The following PCDHA12 variants were observed in gnomAD, a reference collection of about 807,000 sequenced individuals.
The protein encoded by PCDHA12 is protocadherin alpha-12.
Under a neutral mutation model 60.0 loss-of-function variants are expected in PCDHA12, and 44 were observed. The ratio of observed to expected loss-of-function variants is 0.73; its 90% CI spans 0.58 to 0.94. The LOEUF is 0.94. Ranked by LOEUF, PCDHA12 falls within the 40% of genes least tolerant of loss-of-function variation. PCDHA12 has a pLI of 0.00. For synonymous variants in PCDHA12, 569 were observed against 553.0 expected (o/e 1.03, Z -0.40); for missense variants, 1,276 against 1,239.7 (o/e 1.03, Z -0.44).
At chr5:140,891,970 C>T (rs1554185021) in intron 1 of PCDHA12, among the ~76,000 whole-genome samples, 1 of 152,168 alleles carries the variant, frequency 6.6e-6, no homozygotes, top group African/African-American at 2.4e-5. Flanking sequence ...AGTAAATTTC[C>T]GTTCTCATAA....
chr5:140,879,564 A>G (rs1232052888), intron 1 of PCDHA12, among the ~76,000 whole-genome samples: 2 of 152,254 alleles, frequency 1.3e-5, no homozygotes, highest in Non-Finnish European at 1.5e-5. Context: ...CCATGAAAGA[A>G]TAAAATTGCC....
intron 1 of PCDHA12, among the ~76,000 whole-genome samples, chr5:140,892,783 T>C (rs1554185363): frequency 6.6e-6 from 1 of 152,168 alleles, no homozygotes; most frequent in African/African-American, 2.4e-5. Context: ...TTCTTGAAAA[T>C]ATGTAAGAAA....
At chr5:140,978,791 A>G (rs1443899144) in intron 1 of PCDHA12, 158 bp from the exon 2 acceptor site, 1 of 976,042 alleles carries the variant, frequency 1.0e-6, no homozygotes, top group Non-Finnish European at 1.2e-6. Context: ...AAAGTGCTAT[A>G]TATGTAGATA....
intron 1 of PCDHA12, chr5:140,883,245 G>C: frequency 6.2e-7 from 1 of 1,614,016 alleles, no homozygotes; most frequent in South Asian, 1.1e-5. Context: ...GTTGACAAAG[G>C]AAATATTCCA....
At chr5:140,941,216 T>TTTCTTTCTTTCC (rs782179127) in intron 1 of PCDHA12, among the ~76,000 whole-genome samples, 13 of 124,948 alleles carry the variant, frequency 1.0e-4, no homozygotes, top group Non-Finnish European at 1.8e-4. Context: ...TCTTTCTTCC[T>TTTCTTTCTTTCC]TTCTTTCTTT....
chr5:140,892,468 C>T (rs1184778883), intron 1 of PCDHA12, among the ~76,000 whole-genome samples: 10 of 152,150 alleles, frequency 6.6e-5, no homozygotes, highest in Admixed American at 3.3e-4. Flanking sequence ...TACGGTTATT[C>T]AGTTTCCTAG....
At chr5:140,920,616 C>T (rs929240808) in intron 1 of PCDHA12, among the ~76,000 whole-genome samples, 3 of 152,128 alleles carry the variant, frequency 2.0e-5, no homozygotes, top group Admixed American at 1.3e-4. Context: ...GAGGCCGAGG[C>T]GGATGGATCA....
intron 1 of PCDHA12, among the ~76,000 whole-genome samples, chr5:140,960,004 A>C (rs2095521827): frequency 6.6e-6 from 1 of 152,216 alleles, no homozygotes; most frequent in Non-Finnish European, 1.5e-5. Context: ...ATACAAATCT[A>C]TTTTGCATCA....
rs2067929537 is a variant in PCDHA12 at position 140,900,315 on chromosome 5, T to C, written c.2367+22476T>C. Among the ~76,000 whole-genome samples the C allele has an allele frequency of 2.0e-5, 3 of 152,186 alleles. No homozygotes were observed. The East Asian group carries it at 5.8e-4, about 29-fold the overall frequency. On this transcript the variant is annotated intron_variant, in intron 1 of 3. Transcript: ENST00000398631. ...GTTTTTTTAGACAGTCTCACTTTTG[T>C]CGCCCAGGCTGGAGTACCGTGGCGC...
chr5:140,965,857 A>G (rs1563345275), intron 1 of PCDHA12, among the ~76,000 whole-genome samples: 1 of 152,220 alleles, frequency 6.6e-6, no homozygotes, highest in South Asian at 2.1e-4. Context: ...GCACACACTG[A>G]AAATAAGGGC....
chr5:140,898,548 T>C (rs1445483717), intron 1 of PCDHA12, among the ~76,000 whole-genome samples: 2 of 152,252 alleles, frequency 1.3e-5, no homozygotes, highest in Non-Finnish European at 2.9e-5. Context: ...CATTTATCTA[T>C]GTCTCTGTTT....
At chr5:141,008,905 A>G (rs1212655574) in intron 3 of PCDHA12, among the ~76,000 whole-genome samples, 2 of 152,256 alleles carry the variant, frequency 1.3e-5, no homozygotes, top group African/African-American at 4.8e-5. Flanking sequence ...TAAAATTAAG[A>G]TCAAATAATT....
Position 140,932,015 on chromosome 5 carries a change from C to T in PCDHA12, c.2368-46934C>T, listed in dbSNP as rs150185692. Reference sequence around the variant, plus strand: ...TTCTAAGTTCTTTCATTTTAGTTTACGGTAAGTTTACAGTATATATTAACA... The same window carrying T: ...TTCTAAGTTCTTTCATTTTAGTTTATGGTAAGTTTACAGTATATATTAACA... On this transcript the variant is annotated intron_variant, in intron 1 of 3. Coordinates refer to ENST00000398631, the MANE Select transcript of PCDHA12 (RefSeq NM_018903.4). Among the ~76,000 whole-genome samples, 8 of 151,784 alleles carry T rather than the reference C, an allele frequency of 5.3e-5. No homozygotes were observed. The East Asian group carries it at 5.8e-4, about 11-fold the overall frequency.
In PCDHA12 at chr5:140,877,380, C is replaced by T. The variant is rs372220347; in HGVS notation, c.1908C>T (p.Ile636=). ...LYTGEISTTR[I]LDEADAPRHR... ...CTGGCGAGATCAGCACGACACGCAT[C>T]CTGGATGAGGCGGACGCTCCGCGCC... The change falls in exon 1 of 4, where the codon ATC becomes ATT. Residue 636 remains isoleucine (I), a synonymous_variant. Transcript: ENST00000398631. The T allele has an allele frequency of 1.5e-5, 25 of 1,613,862 alleles. No individual in the cohort carries two copies. Among genetic ancestry groups the T allele is most frequent in the Middle Eastern group, 1.6e-4 (1 of 6,084 alleles).
At chr5:140,889,213 G>A (rs1463412254) in intron 1 of PCDHA12, among the ~76,000 whole-genome samples, 1 of 151,602 alleles carries the variant, frequency 6.6e-6, no homozygotes, top group African/African-American at 2.4e-5. Context: ...TAACAAAGAA[G>A]AATAGTCTTT....
intron 1 of PCDHA12, chr5:140,883,205 A>C: frequency 6.2e-7 from 1 of 1,614,036 alleles, no homozygotes; most frequent in Non-Finnish European, 8.5e-7. Flanking sequence ...TTTCGAAGAA[A>C]AGAAATTATA....
chr5:140,978,810 G>C, intron 1 of PCDHA12, 139 bp from the exon 2 acceptor site: 2 of 1,500,034 alleles, frequency 1.3e-6, no homozygotes, highest in Non-Finnish European at 1.8e-6. Flanking sequence ...TATCATCATA[G>C]AGTTACACAT....
chr5:140,924,391 T>C (rs2081808127), intron 1 of PCDHA12, among the ~76,000 whole-genome samples: 1 of 152,326 alleles, frequency 6.6e-6, no homozygotes, highest in East Asian at 1.9e-4. Flanking sequence ...TTACTACTTA[T>C]ATTGCCTTAT....
chr5:140,893,112 G>T (rs782797637), intron 1 of PCDHA12, among the ~76,000 whole-genome samples: 5 of 152,148 alleles, frequency 3.3e-5, no homozygotes, highest in Non-Finnish European at 7.3e-5. Flanking sequence ...ATTCCGTTGT[G>T]CATATACACC....
Sources: gnomAD v4.1 joint callset for allele counts (sites outside exome capture counted in the v4.1 genomes callset) on GRCh38, gnomAD v4.1.1 for gene constraint, MANE v1.5 for transcripts, NCBI Gene and HGNC (gene_info 2026-07-23, HGNC 2026-07-21) for gene names.